The following HECTD4 variants were observed in gnomAD, a reference collection of about 807,000 sequenced individuals.
The protein encoded by HECTD4 is HECT domain E3 ubiquitin protein ligase 4, also known as probable E3 ubiquitin-protein ligase HECTD4.
HECTD4 carries 114 observed loss-of-function variants against 471.5 expected under a neutral mutation model. The observed-to-expected ratio is 0.24, with a 90% CI of 0.21 to 0.28. The LOEUF is 0.28. Ranked by LOEUF, HECTD4 falls within the 10% of genes least tolerant of loss-of-function variation. HECTD4 has a pLI of 1.00. For synonymous variants in HECTD4, 2,012 were observed against 2,256.0 expected (o/e 0.89, Z 3.07); for missense variants, 3,866 against 5,651.5 (o/e 0.68, Z 10.13).
intron 55 of HECTD4, among the ~76,000 whole-genome samples, chr12:112,199,337 T>A (rs1022380055): frequency 1.3e-5 from 2 of 152,182 alleles, no homozygotes; most frequent in Non-Finnish European, 2.9e-5. Context: ...ACTGACTCAT[T>A]GAACTTAAGA....
At chr12:112,199,910 G>C (rs1321534024) in intron 55 of HECTD4, among the ~76,000 whole-genome samples, 1 of 152,120 alleles carries the variant, frequency 6.6e-6, no homozygotes, top group Non-Finnish European at 1.5e-5. Flanking sequence ...TAGCTATCAC[G>C]ATTTCTTGTG....
At chr12:112,288,710 T>C (rs1429778679) in intron 7 of HECTD4, among the ~76,000 whole-genome samples, 1 of 152,186 alleles carries the variant, frequency 6.6e-6, no homozygotes, top group Non-Finnish European at 1.5e-5. Context: ...CCAGCTTCCA[T>C]GATGTCGAGC....
chr12:112,338,743 T>C (rs973014400), intron 1 of HECTD4, among the ~76,000 whole-genome samples: 4 of 152,310 alleles, frequency 2.6e-5, no homozygotes, highest in Non-Finnish European at 1.5e-5. Context: ...CAGCATCTGC[T>C]TGGCTTCTGG....
chr12:112,295,391 G>A (rs2034985282), intron 7 of HECTD4, among the ~76,000 whole-genome samples: 1 of 150,608 alleles, frequency 6.6e-6, no homozygotes, highest in Non-Finnish European at 1.5e-5. Flanking sequence ...TAAGAGACAG[G>A]GTCTTACTCT....
At chr12:112,178,889 C>T in intron 64 of HECTD4, 42 bp downstream of exon 64, 1 of 1,570,662 alleles carries the variant, frequency 6.4e-7, no homozygotes. Context: ...TCCCCCACAT[C>T]TGCCCACAGG....
intron 70 of HECTD4, among the ~76,000 whole-genome samples, chr12:112,168,858 A>G (rs1334255014): frequency 2.0e-5 from 3 of 152,164 alleles, no homozygotes; most frequent in Non-Finnish European, 4.4e-5. Context: ...AGTGAACCAG[A>G]GTTGCTCTCA....
chr12:112,204,475 G>C lies in HECTD4; in HGVS notation c.8269+11C>G, dbSNP rs776817413. 11 of 1,608,778 alleles carry C rather than the reference G, an allele frequency of 6.8e-6. 1 individual carries two copies. The South Asian group carries it at 1.2e-4, about 18-fold the overall frequency. On this transcript the variant is annotated intron_variant, in intron 53 of 75. Coordinates refer to ENST00000682272, the MANE Select transcript of HECTD4 (RefSeq NM_001388303.1). Reference sequence around the variant, plus strand: ...GAAATTTCATAGGTCGAGTAAGGAGGAAAGCAAAACCTTTTCGAACTTTAT... The same window carrying C: ...GAAATTTCATAGGTCGAGTAAGGAGCAAAGCAAAACCTTTTCGAACTTTAT...
intron 1 of HECTD4, among the ~76,000 whole-genome samples, chr12:112,377,303 C>A (rs2036801042): frequency 6.6e-6 from 1 of 152,016 alleles, no homozygotes; most frequent in East Asian, 1.9e-4. Flanking sequence ...AAAAACGGAG[C>A]CCTCTTTCCA....
intron 7 of HECTD4, among the ~76,000 whole-genome samples, chr12:112,293,056 T>C (rs1325510509): frequency 6.7e-6 from 1 of 150,210 alleles, no homozygotes; most frequent in African/African-American, 2.5e-5. Context: ...TGAGGGATGT[T>C]ATTGAGGGGA....
chr12:112,380,265 T>C (rs2036863166), intron 1 of HECTD4, among the ~76,000 whole-genome samples: 1 of 151,980 alleles, frequency 6.6e-6, no homozygotes, highest in African/African-American at 2.4e-5. Flanking sequence ...GCCAACATGG[T>C]GAAACCCTGT....
At chr12:112,269,410 A>T (rs1466825844) in intron 13 of HECTD4, among the ~76,000 whole-genome samples, 2 of 152,146 alleles carry the variant, frequency 1.3e-5, no homozygotes, top group Non-Finnish European at 2.9e-5. Context: ...CACTCTGCAA[A>T]ATGAGATCAG....
chr12:112,350,916 T>C (rs917759653), intron 1 of HECTD4, among the ~76,000 whole-genome samples: 1 of 152,212 alleles, frequency 6.6e-6, no homozygotes, highest in African/African-American at 2.4e-5. Context: ...AATGCAAGTA[T>C]GGCTCAATTT....
rs1345732757 is a variant in HECTD4, at chr12:112,256,521, A to G, written c.3129-3T>C. ...GCTCTTCCTTCTCTTCTAACATTCT[A>G]AACAGAAAAAGAGAAAGTGATTTAG... is the stretch of plus-strand genomic sequence containing the variant. On this transcript the variant is annotated splice_region_variant and splice_polypyrimidine_tract_variant and intron_variant, in intron 20 of 75. Coordinates refer to ENST00000682272, the MANE Select transcript of HECTD4 (RefSeq NM_001388303.1). The G allele has an allele frequency of 6.5e-7, 1 of 1,546,652 alleles. No homozygotes were observed. The highest frequency in any genetic ancestry group is 1.4e-5 in the African/African-American group (1 of 72,022).
At chr12:112,380,707 G>C (rs989387287) in intron 1 of HECTD4, among the ~76,000 whole-genome samples, 2 of 152,070 alleles carry the variant, frequency 1.3e-5, no homozygotes, top group South Asian at 4.2e-4. Flanking sequence ...AGTCAATTAA[G>C]AGTTCATAAC....
intron 1 of HECTD4, among the ~76,000 whole-genome samples, chr12:112,367,946 C>T (rs2036599133): frequency 6.8e-6 from 1 of 147,556 alleles, no homozygotes; most frequent in African/African-American, 2.5e-5. Flanking sequence ...GAAATCATAA[C>T]ACAAACTACA....
intron 1 of HECTD4, among the ~76,000 whole-genome samples, chr12:112,356,087 C>A (rs1016763582): frequency 3.3e-5 from 5 of 151,962 alleles, no homozygotes; most frequent in Admixed American, 6.6e-5. Flanking sequence ...AATTTCATGA[C>A]CCTGAATAGT....
Position 112,173,562 on chromosome 12 carries a change from T to C in HECTD4, c.11595-701A>G, listed in dbSNP as rs1181084161. On this transcript the variant is annotated intron_variant, in intron 66 of 75. Coordinates refer to ENST00000682272, the MANE Select transcript of HECTD4 (RefSeq NM_001388303.1). The surrounding 1 kb of genome is among the most constrained non-coding windows in gnomAD (Gnocchi z 4.3). ...CTGCCACCACACCTGGCTAATTTTT[T>C]TTTTTGTATTTTTAGTAGAGACGAG... Among the ~76,000 whole-genome samples, 1 of 151,572 alleles carries C rather than the reference T, an allele frequency of 6.6e-6. No individual in the cohort carries two copies. Among genetic ancestry groups the C allele is most frequent in the Non-Finnish European group, 1.5e-5 (1 of 67,872 alleles).
rs1052642952 is a variant in HECTD4, at chr12:112,179,844, G to A, written c.10988-447C>T. Among the ~76,000 whole-genome samples the A allele has an allele frequency of 5.3e-5, 8 of 152,234 alleles. No homozygotes were observed. Among genetic ancestry groups the A allele is most frequent in the African/African-American group, 1.7e-4 (7 of 41,472 alleles). On this transcript the variant is annotated intron_variant, in intron 62 of 75. Coordinates refer to ENST00000682272, the MANE Select transcript of HECTD4 (RefSeq NM_001388303.1). This position sits in a 1 kb window ranked among gnomAD's most constrained non-coding sequence, Gnocchi z 4.3. The stretch of plus-strand genomic sequence containing the variant: ...ATCCCAGAGGATAGATAGCCAGCAA[G>A]TATTTTTAGTGGGAAGTACAACTTG...
intron 64 of HECTD4, among the ~76,000 whole-genome samples, chr12:112,178,556 A>T (rs2031545759): frequency 6.6e-6 from 1 of 152,216 alleles, no homozygotes; most frequent in Non-Finnish European, 1.5e-5. Flanking sequence ...CCCACCGGGC[A>T]CAGTGGCTCC....
Sources: gnomAD v4.1 joint callset for allele counts (sites outside exome capture counted in the v4.1 genomes callset) on GRCh38, gnomAD v4.1.1 for gene constraint, Gnocchi (gnomAD v3.1) non-coding constraint, MANE v1.5 for transcripts, NCBI Gene and HGNC (gene_info 2026-07-23, HGNC 2026-07-21) for gene names.